Variants in JAKMIP1 observed in about 807,000 individuals in gnomAD.
JAKMIP1 encodes janus kinase and microtubule interacting protein 1.
Under a neutral mutation model 113.0 loss-of-function variants are expected in JAKMIP1, and 33 were observed. That is an observed-to-expected ratio of 0.29 (90% CI 0.22 to 0.39). JAKMIP1 has a LOEUF of 0.39. JAKMIP1 is among the 10% of genes least tolerant of loss of function. The pLI is 1.00. For synonymous variants in JAKMIP1, 480 were observed against 459.9 expected (o/e 1.04, Z -0.56); for missense variants, 813 against 1,080.5 (o/e 0.75, Z 3.47).
At chr4:6,174,673 G>A (rs1238811065) in intron 1 of JAKMIP1, among the ~76,000 whole-genome samples, 4 of 151,936 alleles carry the variant, frequency 2.6e-5, no homozygotes, top group East Asian at 1.9e-4. Context: ...GAAACCCCCC[G>A]GAGCAGCTAA....
At chr4:6,027,567 G>A (rs1712029716) in intron 20 of JAKMIP1, among the ~76,000 whole-genome samples, 2 of 152,190 alleles carry the variant, frequency 1.3e-5, no homozygotes, top group Admixed American at 1.3e-4. Flanking sequence ...GGAAATGAAG[G>A]TGGCATGAGG....
At chr4:6,099,822 T>C (rs899035170) in intron 3 of JAKMIP1, among the ~76,000 whole-genome samples, 3 of 152,206 alleles carry the variant, frequency 2.0e-5, no homozygotes, top group Non-Finnish European at 4.4e-5. Flanking sequence ...TATTGTAAAA[T>C]AATATTTTTT....
intron 3 of JAKMIP1, among the ~76,000 whole-genome samples, chr4:6,098,546 AAAAGAAAGAAAGAAAGAAAGAAAG>A (rs759936324): frequency 2.2e-5 from 1 of 46,488 alleles, no homozygotes; most frequent in African/African-American, 5.3e-5. Context: ...GAGAGAAAGA[AAAAGAAAGAAAGAAAGAAAGAAAG>A]AAAGAAAGAA....
Position 6,064,848 on chromosome 4 carries a change from T to C in JAKMIP1, c.1431+32A>G, listed in dbSNP as rs772953243. On this transcript the variant is annotated intron_variant, in intron 9 of 20. Coordinates refer to ENST00000409021, the MANE Select transcript of JAKMIP1 (RefSeq NM_001099433.2). This position sits in a 1 kb window ranked among gnomAD's most constrained non-coding sequence, Gnocchi z 4.3. ...GGTGCCGCCCCGAGAGCATCTGGGGTGAGGTCCCGCCCTCTCTGCAGGTTT... is the reference window on the plus strand; with the variant it reads ...GGTGCCGCCCCGAGAGCATCTGGGGCGAGGTCCCGCCCTCTCTGCAGGTTT... 7 of 1,611,440 alleles carry C rather than the reference T, an allele frequency of 4.3e-6. No individual in the cohort carries two copies. The highest frequency in any genetic ancestry group is 4.2e-6 in the Non-Finnish European group (5 of 1,178,964).
At chr4:6,083,623 T>C (rs1289519536) in intron 5 of JAKMIP1, among the ~76,000 whole-genome samples, 1 of 151,386 alleles carries the variant, frequency 6.6e-6, no homozygotes, top group African/African-American at 2.4e-5. Flanking sequence ...AAAAAAAACA[T>C]TTAAAAATAC....
Position 6,105,805 on chromosome 4 carries a change from C to G in JAKMIP1, c.292G>C (p.Glu98Gln). The stretch of plus-strand genomic sequence containing the variant: ...TTGATCTTGGCGGTGCGCGCCGCCT[C>G]CTGCTCGTGCTGCCGGATGAGCCCC... ...REGLIRQHEQEAARTAKIKEG... is the reference protein window; with the variant it reads ...REGLIRQHEQQAARTAKIKEG... The change falls in exon 3 of 21, where the codon GAG becomes CAG. Residue 98 changes from glutamate to glutamine, a missense_variant. Physicochemically the swap from Glu to Gln is conservative, Grantham distance 29 (BLOSUM62 2). This residue lies in a region of JAKMIP1 where 540 missense variants were observed against 653.9 expected (regional missense o/e 0.83). Coordinates refer to ENST00000409021, the MANE Select transcript of JAKMIP1 (RefSeq NM_001099433.2). 6.2e-7 allele frequency: 1 copy of G among 1,609,646 alleles called. No homozygotes were observed. Among genetic ancestry groups the G allele is most frequent in the Non-Finnish European group, 8.5e-7 (1 of 1,179,702 alleles).
rs17710575 is a variant in JAKMIP1, at chr4:6,094,360, G to A, written c.625-8731C>T. Among the ~76,000 whole-genome samples the A allele has an allele frequency of 0.24, 36,887 of 152,108 alleles. 5,323 individuals carry two copies. Among genetic ancestry groups the A allele is most frequent in the South Asian group, 0.38 (1,827 of 4,792 alleles). ...CTCCCAGCTGCCTGAAGCTTGATGC[G>A]AAAGGGCCACTGAGAAGGCCAGAAA... On this transcript the variant is annotated intron_variant, in intron 3 of 20. Transcript: ENST00000409021. This position sits in a 1 kb window ranked among gnomAD's most constrained non-coding sequence, Gnocchi z 4.2.
chr4:6,071,930 G>A (rs962977755), intron 8 of JAKMIP1, among the ~76,000 whole-genome samples: 4 of 152,320 alleles, frequency 2.6e-5, no homozygotes, highest in East Asian at 1.9e-4. Flanking sequence ...CACAGAGCCC[G>A]CTGTGAAAGG....
At chr4:6,055,903 T>A (rs191328256) in intron 12 of JAKMIP1, among the ~76,000 whole-genome samples, 8,403 of 108,974 alleles carry the variant, frequency 0.077, 619 homozygotes, top group African/African-American at 0.16. Context: ...AGGACAGGGC[T>A]GCCCTCCCCA....
At chr4:6,032,499 A>C (rs1452067882) in intron 19 of JAKMIP1, among the ~76,000 whole-genome samples, 3 of 152,094 alleles carry the variant, frequency 2.0e-5, no homozygotes, top group Non-Finnish European at 2.9e-5. Flanking sequence ...CCCTGTGAAA[A>C]ATGGCATCAA....
rs148462961 is a variant in JAKMIP1, at chr4:6,153,495, G to A, written c.-147-40498C>T. Among the ~76,000 whole-genome samples the A allele has an allele frequency of 2.2e-3, 331 of 152,304 alleles. No homozygotes were observed. The highest frequency in any genetic ancestry group is 7.6e-3 in the African/African-American group (316 of 41,568). ...CAAACCTCAGTCATCAGTTGCCGCCGCTGTGACTTCTGCATAAAATGCATG... is the reference window on the plus strand; with the variant it reads ...CAAACCTCAGTCATCAGTTGCCGCCACTGTGACTTCTGCATAAAATGCATG... On this transcript the variant is annotated intron_variant, in intron 1 of 20. Transcript: ENST00000409021. This position sits in a 1 kb window ranked among gnomAD's most constrained non-coding sequence, Gnocchi z 4.9.
At position 6,097,702 on chromosome 4, in the gene JAKMIP1, T is replaced by G. The variant is rs539336126; in HGVS notation, c.624+7771A>C. ...AAGCTTTACAGATCACTTCCCCATTTTGCAACAAAAAATGCAATAAGAAGC... is the reference window on the plus strand; with the variant it reads ...AAGCTTTACAGATCACTTCCCCATTGTGCAACAAAAAATGCAATAAGAAGC... On this transcript the variant is annotated intron_variant, in intron 3 of 20. Transcript: ENST00000409021. This position sits in a 1 kb window ranked among gnomAD's most constrained non-coding sequence, Gnocchi z 4.3. Among the ~76,000 whole-genome samples, 4 of 152,332 alleles carry G rather than the reference T, an allele frequency of 2.6e-5. No homozygotes were observed. In the South Asian group the frequency reaches 8.3e-4, roughly 32 times the overall value.
At position 6,097,447 on chromosome 4, in the gene JAKMIP1, G is replaced by C. The variant is rs1230693219; in HGVS notation, c.624+8026C>G. On this transcript the variant is annotated intron_variant, in intron 3 of 20. Transcript: ENST00000409021. This position sits in a 1 kb window ranked among gnomAD's most constrained non-coding sequence, Gnocchi z 4.3. ...GGGTGTGTATGGAAGCTCTATCACA[G>C]CTGATGGGGGCTAGGGGGATCTTTT... 6.6e-6 allele frequency among the ~76,000 whole-genome samples: 1 copy of C among 152,208 alleles called. No individual in the cohort carries two copies. The highest frequency in any genetic ancestry group is 2.4e-5 in the African/African-American group (1 of 41,448).
rs1717660820 is a variant in JAKMIP1 at position 6,063,813 on chromosome 4, T to TG, written c.1431+1066dup. 2.6e-5 allele frequency among the ~76,000 whole-genome samples: 4 copies of TG among 152,184 alleles called. No homozygotes were observed. The South Asian group carries it at 8.3e-4, about 32-fold the overall frequency. ...GACAAGGACAACAAGCAGGGGTGTG[T>TG]GGGAGGCGGACCATTCAGAGACTCG... On this transcript the variant is annotated intron_variant, in intron 9 of 20. Transcript: ENST00000409021.
intron 18 of JAKMIP1, 40 bp from the exon 19 acceptor site, chr4:6,036,147 G>T (rs780053526): frequency 1.4e-6 from 2 of 1,461,400 alleles, no homozygotes; most frequent in Non-Finnish European, 1.9e-6. Flanking sequence ...AAGGTCACAA[G>T]GAGGTGGACA....
chr4:6,197,861 G>A lies in JAKMIP1; in HGVS notation c.-148+2392C>T, dbSNP rs1291018431. On this transcript the variant is annotated intron_variant, in intron 1 of 20. Coordinates refer to ENST00000409021, the MANE Select transcript of JAKMIP1 (RefSeq NM_001099433.2). The surrounding 1 kb of genome is among the most constrained non-coding windows in gnomAD (Gnocchi z 6.5). Reference sequence around the variant, plus strand: ...GCAGTGGCAATTGCTGCTGGCTTAAGCATTAGAAATTGTTCCCTCTGCCAC... The same window carrying A: ...GCAGTGGCAATTGCTGCTGGCTTAAACATTAGAAATTGTTCCCTCTGCCAC... Among the ~76,000 whole-genome samples the A allele has an allele frequency of 6.6e-6, 1 of 152,236 alleles. No individual in the cohort carries two copies. The highest frequency in any genetic ancestry group is 6.5e-5 in the Admixed American group (1 of 15,288).
At chr4:6,161,134 C>A (rs1722886844) in intron 1 of JAKMIP1, among the ~76,000 whole-genome samples, 1 of 149,616 alleles carries the variant, frequency 6.7e-6, no homozygotes, top group African/African-American at 2.5e-5. Flanking sequence ...CCCCTGATCT[C>A]CACTCACCTC....
chr4:6,106,849 T>A lies in JAKMIP1; in HGVS notation c.130-882A>T, dbSNP rs1714047997. On this transcript the variant is annotated intron_variant, in intron 2 of 20. Transcript: ENST00000409021. The surrounding 1 kb of genome is among the most constrained non-coding windows in gnomAD (Gnocchi z 5.9). ...TTATTTCCTGAATTCTGCCCGTCTC[T>A]GAAGACCTGAAATGAATTGCCTCTG... Among the ~76,000 whole-genome samples, 1 of 152,196 alleles carries A rather than the reference T, an allele frequency of 6.6e-6. No individual in the cohort carries two copies. The highest frequency in any genetic ancestry group is 2.4e-5 in the African/African-American group (1 of 41,464).
chr4:6,094,423 T>A lies in JAKMIP1; in HGVS notation c.625-8794A>T, dbSNP rs1722527008. Among the ~76,000 whole-genome samples, 1 of 152,134 alleles carries A rather than the reference T, an allele frequency of 6.6e-6. No individual in the cohort carries two copies. Among genetic ancestry groups the A allele is most frequent in the South Asian group, 2.1e-4 (1 of 4,804 alleles). ...ACCCAACTGACAGGAGGAATCGTGC[T>A]AAGAAAACAGCCTGGCCCCAGTGAG... On this transcript the variant is annotated intron_variant, in intron 3 of 20. Transcript: ENST00000409021. This position sits in a 1 kb window ranked among gnomAD's most constrained non-coding sequence, Gnocchi z 4.2.
Sources: gnomAD v4.1 joint callset for allele counts (sites outside exome capture counted in the v4.1 genomes callset) on GRCh38, gnomAD v4.1.1 for gene constraint, gnomAD v4.1.1 regional missense constraint, Gnocchi (gnomAD v3.1) non-coding constraint, MANE v1.5 for transcripts, NCBI Gene and HGNC (gene_info 2026-07-23, HGNC 2026-07-21) for gene names.